Variants in RALGAPA2 observed in about 807,000 individuals in gnomAD.
The protein encoded by RALGAPA2 is ral GTPase-activating protein subunit alpha-2.
RALGAPA2 carries 139 observed loss-of-function variants against 230.4 expected under a neutral mutation model. That is an observed-to-expected ratio of 0.60 (90% CI 0.53 to 0.69). RALGAPA2 has a LOEUF of 0.69. Among genes scored for constraint, RALGAPA2 ranks in the 30% least tolerant of loss-of-function variants. The probability of loss-of-function intolerance (pLI) is 0.00; values close to 1 mark genes in which losing one functional copy is unlikely to be tolerated. For synonymous variants in RALGAPA2, 847 were observed against 837.8 expected (o/e 1.01, Z -0.19); for missense variants, 2,163 against 2,276.0 (o/e 0.95, Z 1.01).
At chr20:20,440,846 G>A (rs1003211812) in intron 37 of RALGAPA2, among the ~76,000 whole-genome samples, 1 of 152,194 alleles carries the variant, frequency 6.6e-6, no homozygotes, top group Non-Finnish European at 1.5e-5. Flanking sequence ...AATGCCCCGG[G>A]AAAATCAGTT....
intron 16 of RALGAPA2, among the ~76,000 whole-genome samples, chr20:20,592,329 T>C (rs1447924120): frequency 6.6e-6 from 1 of 152,188 alleles, no homozygotes; most frequent in African/African-American, 2.4e-5. Flanking sequence ...CTGATCCCCT[T>C]GCAAGGTACT....
intron 37 of RALGAPA2, among the ~76,000 whole-genome samples, chr20:20,436,334 G>C (rs1254321211): frequency 1.3e-5 from 2 of 152,158 alleles, no homozygotes; most frequent in African/African-American, 4.8e-5. Context: ...CATGTGCTTT[G>C]CATGAGTTTT....
intron 24 of RALGAPA2, among the ~76,000 whole-genome samples, chr20:20,545,526 C>T (rs751732899): frequency 1.4e-4 from 22 of 152,266 alleles, no homozygotes; most frequent in Middle Eastern, 3.4e-3. Context: ...AAACCAAGGG[C>T]TTGAAGTTTG....
intron 31 of RALGAPA2, among the ~76,000 whole-genome samples, chr20:20,519,711 C>T (rs1011828314): frequency 6.6e-6 from 1 of 152,174 alleles, no homozygotes; most frequent in African/African-American, 2.4e-5. Context: ...TTTCTTGGTC[C>T]TCTTTCCACT....
chr20:20,395,257 G>A lies in RALGAPA2; in HGVS notation c.*35+1438C>T, dbSNP rs147938630. On this transcript the variant is annotated intron_variant, in intron 39 of 39. Coordinates refer to ENST00000202677, the MANE Select transcript of RALGAPA2 (RefSeq NM_020343.4). ...ACAGGCCTCTGGTCCCCAGCTTTCT[G>A]CTGGGACATTCTCATCTGCACTGGG... 7.9e-3 allele frequency among the ~76,000 whole-genome samples: 1,200 copies of A among 152,374 alleles called. 16 individuals are homozygous for A. The highest frequency in any genetic ancestry group is 0.026 in the African/African-American group (1,081 of 41,592).
Position 20,616,181 on chromosome 20 carries a change from G to C in RALGAPA2, c.1550C>G (p.Thr517Arg). Residue 517 changes from threonine to arginine, a missense_variant, in exon 13 of 40, where the codon ACG (threonine) becomes AGG (arginine). Physicochemically the swap from Thr to Arg is moderately conservative, Grantham distance 71 (BLOSUM62 -1). Coordinates refer to ENST00000202677, the MANE Select transcript of RALGAPA2 (RefSeq NM_020343.4). The stretch of plus-strand genomic sequence containing the variant: ...CAACAAAAAGATGTTTGCAGAGTTC[G>C]TCAAAAATACCTTAAAATCAACAAC... ...GVQALLQVFL[T>R]NSANIFLLEP... 6.6e-7 allele frequency: 1 copy of C among 1,510,852 alleles called. No individual in the cohort carries two copies. The highest frequency in any genetic ancestry group is 8.8e-7 in the Non-Finnish European group (1 of 1,131,264). The allele number at this position is 1,510,852 out of a possible 1,614,324, so 93.6% of individuals were successfully genotyped here.
intron 15 of RALGAPA2, among the ~76,000 whole-genome samples, chr20:20,603,728 GC>G (rs1188170019): frequency 6.6e-6 from 1 of 152,182 alleles, no homozygotes; most frequent in Non-Finnish European, 1.5e-5. Flanking sequence ...GCAAAGACCA[GC>G]AGAAGAACTG....
intron 1 of RALGAPA2, among the ~76,000 whole-genome samples, chr20:20,692,631 C>T (rs2068954865): frequency 6.6e-6 from 1 of 152,214 alleles, no homozygotes; most frequent in Non-Finnish European, 1.5e-5. Context: ...CTGATCAATA[C>T]AAAACAACAG....
At chr20:20,619,599 G>A (rs1008605227) in intron 11 of RALGAPA2, among the ~76,000 whole-genome samples, 185 bp from the exon 12 acceptor site, 25 of 152,188 alleles carry the variant, frequency 1.6e-4, no homozygotes, top group African/African-American at 5.3e-4. Context: ...CCACTCAACC[G>A]TCAACACCTA....
chr20:20,473,181 A>T lies in RALGAPA2; in HGVS notation c.5368-225T>A, dbSNP rs369214092. Among the ~76,000 whole-genome samples the T allele has an allele frequency of 1.1e-4, 17 of 152,300 alleles. 3 individuals are homozygous for T. The highest frequency in any genetic ancestry group is 4.1e-4 in the African/African-American group (17 of 41,568). On this transcript the variant is annotated intron_variant, in intron 36 of 39. Transcript: ENST00000202677. ...GGATTCTTCAGCAAAACTTTCAATG[A>T]CAAAATTTTACCAGGTTCTTCGTTT...
At chr20:20,436,318 T>C (rs1235672567) in intron 37 of RALGAPA2, among the ~76,000 whole-genome samples, 1 of 152,234 alleles carries the variant, frequency 6.6e-6, no homozygotes, top group Non-Finnish European at 1.5e-5. Flanking sequence ...GATCAAGTTC[T>C]CTACACATGT....
At chr20:20,634,387 G>C (rs569843459) in intron 9 of RALGAPA2, among the ~76,000 whole-genome samples, 2 of 152,038 alleles carry the variant, frequency 1.3e-5, no homozygotes, top group Admixed American at 1.3e-4. Flanking sequence ...TTTAAACTAA[G>C]ACATTTAAAG....
intron 24 of RALGAPA2, among the ~76,000 whole-genome samples, chr20:20,544,956 A>G (rs1216817264): frequency 6.6e-6 from 1 of 152,214 alleles, no homozygotes; most frequent in Non-Finnish European, 1.5e-5. Context: ...CCACCATGGC[A>G]CATGTATACC....
At chr20:20,516,660 C>A (rs1306138032) in intron 31 of RALGAPA2, among the ~76,000 whole-genome samples, 2 of 152,238 alleles carry the variant, frequency 1.3e-5, no homozygotes, top group Non-Finnish European at 2.9e-5. Flanking sequence ...TCCATCAGAG[C>A]TGGTGCTGGT....
intron 20 of RALGAPA2, among the ~76,000 whole-genome samples, chr20:20,575,548 C>T (rs1463195136): frequency 1.3e-5 from 2 of 151,970 alleles, no homozygotes; most frequent in African/African-American, 4.8e-5. Flanking sequence ...GCCTAATTTA[C>T]TTTCACCATT....
rs1197656796 is a variant in RALGAPA2 at position 20,526,375 on chromosome 20, A to T, written c.3583-13T>A. On this transcript the variant is annotated splice_polypyrimidine_tract_variant and intron_variant, in intron 27 of 39. Coordinates refer to ENST00000202677, the MANE Select transcript of RALGAPA2 (RefSeq NM_020343.4). ...TTTTGTTGGGAAACTATAAAAGGAA[A>T]CCGAATCCCAAAGCAGACACATAAC... 3 of 1,526,702 alleles carry T rather than the reference A, an allele frequency of 2.0e-6. No individual in the cohort carries two copies. The Admixed American group carries it at 6.0e-5, about 30-fold the overall frequency. 94.6% of individuals were successfully genotyped at this position (1,526,702 alleles called of 1,614,324 possible).
At chr20:20,692,788 T>G (rs746571482) in intron 1 of RALGAPA2, among the ~76,000 whole-genome samples, 1 of 152,200 alleles carries the variant, frequency 6.6e-6, no homozygotes, top group Non-Finnish European at 1.5e-5. Flanking sequence ...ACACTAAGGA[T>G]AGCAAAGCCA....
chr20:20,655,059 T>C (rs183435607), intron 3 of RALGAPA2, among the ~76,000 whole-genome samples: 1 of 152,304 alleles, frequency 6.6e-6, no homozygotes, highest in Admixed American at 6.5e-5. Flanking sequence ...TTTGAGAAAG[T>C]CTATTCAAGT....
intron 2 of RALGAPA2, among the ~76,000 whole-genome samples, chr20:20,680,215 T>C (rs2146827555): frequency 6.6e-6 from 1 of 152,338 alleles, no homozygotes; most frequent in East Asian, 1.9e-4. Flanking sequence ...ACAGAATGTA[T>C]AATGTGACCT....
Sources: allele counts gnomAD v4.1 joint callset (sites outside exome capture counted in the v4.1 genomes callset), GRCh38; gene constraint gnomAD v4.1.1; transcripts MANE v1.5; gene names NCBI Gene and HGNC (gene_info 2026-07-23, HGNC 2026-07-21).